Variants in ZNF75D observed in about 807,000 individuals in gnomAD.
ZNF75D encodes the protein zinc finger protein 75D, also known as zinc finger protein 75.
Under a neutral mutation model 33.3 loss-of-function variants are expected in ZNF75D, and 33 were observed. The ratio of observed to expected loss-of-function variants is 0.99; its 90% CI spans 0.75 to 1.32. The LOEUF (loss-of-function observed/expected upper bound fraction) is 1.32. ZNF75D is among the 40% of genes most tolerant of loss of function. The pLI, the probability that ZNF75D is intolerant of heterozygous loss-of-function variation, is 0.00. For missense variants in ZNF75D, 338 were observed against 367.5 expected (o/e 0.92, Z 0.66); for synonymous variants, 113 against 130.6 (o/e 0.87, Z 0.92).
intron 1 of ZNF75D, among the ~76,000 whole-genome samples, chrX:135,270,207 G>C (rs2083877355): frequency 1.9e-5 from 2 of 107,910 alleles, no homozygotes; most frequent in Non-Finnish European, 3.8e-5. Flanking sequence ...GATCATAGTT[G>C]ATAATAATTT....
chrX:135,258,343 T>C (rs1556414815), intron 1 of ZNF75D, among the ~76,000 whole-genome samples: 1 of 110,623 alleles, frequency 9.0e-6, no homozygotes. Context: ...ATGGTAATTC[T>C]AGTTCTAGAT....
intron 1 of ZNF75D, among the ~76,000 whole-genome samples, chrX:135,258,468 C>T (rs781786027): frequency 9.0e-6 from 1 of 111,319 alleles, no homozygotes; most frequent in Admixed American, 9.5e-5. Flanking sequence ...TGTTTCCTGA[C>T]TTTTTAACGA....
At chrX:135,319,596 G>T (rs1556433327) in intron 1 of ZNF75D, among the ~76,000 whole-genome samples, 2 of 112,015 alleles carry the variant, frequency 1.8e-5, no homozygotes, top group African/African-American at 3.2e-5. Flanking sequence ...ATTACATGAG[G>T]CCACAAATAC....
chrX:135,338,655 A>G (rs1363296102), intron 1 of ZNF75D, among the ~76,000 whole-genome samples: 1 of 112,043 alleles, frequency 8.9e-6, no homozygotes, highest in Non-Finnish European at 1.9e-5. Flanking sequence ...AACTCATCTC[A>G]ACATGCTCAT....
chrX:135,301,126 A>C (rs1195713197), intron 1 of ZNF75D, among the ~76,000 whole-genome samples: 1 of 111,913 alleles, frequency 8.9e-6, no homozygotes, highest in African/African-American at 3.3e-5. Flanking sequence ...GCAAGAGAGA[A>C]GTGAGAAAGC....
rs2084794409 is a variant in ZNF75D, at chrX:135,342,352, G to C, written c.-975C>G. The C allele has an allele frequency of 8.9e-6, 1 of 112,141 alleles. No homozygotes were observed. The highest frequency in any genetic ancestry group is 9.4e-5 in the Admixed American group (1 of 10,644). 9.2% of individuals were successfully genotyped at this position (112,141 alleles called of 1,213,427 possible). On this transcript the variant is annotated 5_prime_UTR_variant, in exon 1 of 7. Transcript: ENST00000370766. ...CCTGCTATCACTTATCATCATGACA[G>C]GGCTCGATAGAAAAGAAAAATTATG...
chrX:135,305,158 C>T (rs1312294845), intron 1 of ZNF75D, among the ~76,000 whole-genome samples: 2 of 111,827 alleles, frequency 1.8e-5, no homozygotes, highest in South Asian at 3.8e-4. Flanking sequence ...TCAAATTGCC[C>T]GACACAGTCT....
At chrX:135,341,350 C>A (rs782230799) in intron 1 of ZNF75D, among the ~76,000 whole-genome samples, 1 of 112,117 alleles carries the variant, frequency 8.9e-6, no homozygotes, top group South Asian at 3.7e-4. Flanking sequence ...TCAAACTTTT[C>A]AGCGATTACT....
intron 1 of ZNF75D, among the ~76,000 whole-genome samples, chrX:135,259,450 T>C: frequency 8.9e-6 from 1 of 112,090 alleles, no homozygotes; most frequent in Middle Eastern, 4.6e-3. Flanking sequence ...TTCCATTTGT[T>C]TGTGTCCTCT....
chrX:135,304,502 C>G (rs2084259811), intron 1 of ZNF75D, among the ~76,000 whole-genome samples: 1 of 111,260 alleles, frequency 9.0e-6, no homozygotes, highest in Non-Finnish European at 1.9e-5. Context: ...ACAAATGCAG[C>G]CAAAGATCTC....
At chrX:135,282,384 T>C (rs533373516), downstream of ZNF75D, among the ~76,000 whole-genome samples, 17 of 111,944 alleles carry the variant, frequency 1.5e-4, no homozygotes, top group East Asian at 5.7e-4. Flanking sequence ...ACTGCTGTGC[T>C]GGCAGCGAGA....
chrX:135,325,489 G>A (rs1256500722), intron 1 of ZNF75D, among the ~76,000 whole-genome samples: 5 of 111,519 alleles, frequency 4.5e-5, no homozygotes, highest in African/African-American at 9.8e-5. Context: ...GGCTGCGAGC[G>A]GGCTTGCAGG....
rs782254803 is a variant in ZNF75D, at chrX:135,287,569, A to C, written c.1101T>G (p.Cys367Trp). 11 of 1,211,868 alleles carry C rather than the reference A, an allele frequency of 9.1e-6. No homozygotes were observed. The South Asian group carries it at 1.8e-4, about 19-fold the overall frequency. Residue 367 changes from cysteine (C) to tryptophan (W), a missense_variant, in exon 7 of 7, where the codon TGT becomes TGG. Coordinates refer to ENST00000370766, the MANE Select transcript of ZNF75D (RefSeq NM_007131.5). ...KGPTGEKPFK[C>W]QECGKSFRVS... ...CTCTGAAGCTTTTCCCACATTCCTG[A>C]CACTTAAAAGGTTTCTCCCCTGTGG...
chrX:135,259,170 C>G (rs967020368), intron 1 of ZNF75D, among the ~76,000 whole-genome samples: 6 of 111,715 alleles, frequency 5.4e-5, no homozygotes, highest in Non-Finnish European at 1.1e-4. Flanking sequence ...GTTTTGGTAC[C>G]AGTACCATGC....
intron 6 of ZNF75D, among the ~76,000 whole-genome samples, chrX:135,288,671 A>T (rs1243040630): frequency 8.9e-6 from 1 of 112,459 alleles, no homozygotes; most frequent in African/African-American, 3.2e-5. Flanking sequence ...GTTTAACACA[A>T]GTCTTATTGT....
chrX:135,257,362 C>G (rs1275746871), intron 1 of ZNF75D, among the ~76,000 whole-genome samples: 1 of 112,586 alleles, frequency 8.9e-6, no homozygotes, highest in Non-Finnish European at 1.9e-5. Flanking sequence ...TTTAAGTGAA[C>G]ATCAGTGATG....
At chrX:135,275,963 A>T (rs1487576835) in intron 1 of ZNF75D, among the ~76,000 whole-genome samples, 1 of 111,701 alleles carries the variant, frequency 9.0e-6, no homozygotes, top group East Asian at 2.8e-4. Context: ...CTTTGAAAAT[A>T]TTCTTAATCC....
At chrX:135,289,066 C>A (rs782384403) in intron 6 of ZNF75D, among the ~76,000 whole-genome samples, 2 of 112,512 alleles carry the variant, frequency 1.8e-5, no homozygotes, top group South Asian at 7.3e-4. Flanking sequence ...TGTGCCTTTG[C>A]CTACTTCTCT....
chrX:135,270,704 C>T (rs1186893767), intron 1 of ZNF75D, among the ~76,000 whole-genome samples: 1 of 110,195 alleles, frequency 9.1e-6, no homozygotes, highest in African/African-American at 3.3e-5. Context: ...CTCTTCCCCA[C>T]ATTAGGAAGC....
Sources: allele counts gnomAD v4.1 joint callset (sites outside exome capture counted in the v4.1 genomes callset), GRCh38; gene constraint gnomAD v4.1.1; transcripts MANE v1.5; gene names NCBI Gene and HGNC (gene_info 2026-07-23, HGNC 2026-07-21).